The following TRIM46 variants were observed in gnomAD, a reference collection of about 807,000 sequenced individuals.
TRIM46 encodes the protein tripartite motif-containing protein 46.
A neutral mutation model predicts 69.7 loss-of-function variants in TRIM46; 17 were observed. That is an observed-to-expected ratio of 0.24 (90% CI 0.17 to 0.37). The LOEUF is 0.37. Among genes scored for constraint, TRIM46 ranks in the 10% least tolerant of loss-of-function variants. The probability of loss-of-function intolerance (pLI) is 1.00; values close to 1 mark genes in which losing one functional copy is unlikely to be tolerated. For missense variants in TRIM46, 675 were observed against 1,025.1 expected, an observed-to-expected ratio of 0.66 and a Z score of 4.66; for synonymous variants, 391 against 429.0, an observed-to-expected ratio of 0.91 and a Z score of 1.09.
chr1:155,173,898 G>A lies in TRIM46; in HGVS notation c.-69G>A. On this transcript the variant is annotated 5_prime_UTR_variant, in exon 1 of 10. Transcript: ENST00000334634. ...CTCCTCACACCCCCACTGGGCTCCT[G>A]CATTAAGCCCGGGGTTCGCAGCCGC... The A allele has an allele frequency of 1.3e-6, 2 of 1,494,860 alleles. No individual in the cohort carries two copies. Among genetic ancestry groups the A allele is most frequent in the Non-Finnish European group, 1.8e-6 (2 of 1,099,768 alleles). 92.6% of individuals were successfully genotyped at this position (1,494,860 alleles called of 1,614,324 possible).
At chr1:155,183,190 G>C (rs538042912) in intron 9 of TRIM46, among the ~76,000 whole-genome samples, 1 of 151,658 alleles carries the variant, frequency 6.6e-6, no homozygotes, top group Non-Finnish European at 1.5e-5. Flanking sequence ...GATTACAGGC[G>C]TGAGCCACTG....
At chr1:155,177,772 G>A (rs1665799829) in intron 5 of TRIM46, among the ~76,000 whole-genome samples, 1 of 152,210 alleles carries the variant, frequency 6.6e-6, no homozygotes, top group Non-Finnish European at 1.5e-5. Flanking sequence ...AAGGGGCAGA[G>A]ATTATGATGT....
chr1:155,180,397 C>A, intron 8 of TRIM46: 2 of 352,544 alleles, frequency 5.7e-6, no homozygotes, highest in Non-Finnish European at 1.0e-5. Context: ...GAGTTTGAGA[C>A]CAGCCTGGCC....
At chr1:155,177,544 G>A (rs1422381598) in intron 5 of TRIM46, among the ~76,000 whole-genome samples, 3 of 152,146 alleles carry the variant, frequency 2.0e-5, no homozygotes, top group Admixed American at 6.5e-5. Flanking sequence ...AAAACCCCAC[G>A]CGTAGCTCAG....
At chr1:155,182,238 A>C in intron 9 of TRIM46, 89 bp downstream of exon 9, 1 of 520,576 alleles carries the variant, frequency 1.9e-6, no homozygotes, top group Non-Finnish European at 3.6e-6. Flanking sequence ...CAGACTTGCT[A>C]GGGTGGGGCT....
chr1:155,182,497 C>T, intron 9 of TRIM46: 1 of 446,612 alleles, frequency 2.2e-6, no homozygotes, highest in Non-Finnish European at 4.0e-6. Context: ...TCCAACATAC[C>T]TTCTCCATAA....
rs762451383 is a variant in TRIM46 at position 155,183,783 on chromosome 1, A to G, written c.1887-14A>G. 3.1e-6 allele frequency: 5 copies of G among 1,598,452 alleles called. No individual in the cohort carries two copies. The highest frequency in any genetic ancestry group is 4.2e-6 in the Non-Finnish European group (5 of 1,179,594). On this transcript the variant is annotated splice_polypyrimidine_tract_variant and intron_variant, in intron 9 of 9. Coordinates refer to ENST00000334634, the MANE Select transcript of TRIM46 (RefSeq NM_025058.5). Reference sequence around the variant, plus strand: ...ATCCCTCAACAATCTCGTCCCCAACACCCGCTTCTGCAGGTACGACCCGGA... The same window carrying G: ...ATCCCTCAACAATCTCGTCCCCAACGCCCGCTTCTGCAGGTACGACCCGGA...
At chr1:155,179,361 G>T (rs114525519) in intron 7 of TRIM46, among the ~76,000 whole-genome samples, 2,664 of 152,312 alleles carry the variant, frequency 0.017, 46 homozygotes, top group Middle Eastern at 0.041. Context: ...GAAAGGGGAA[G>T]TGACTTATTC....
In TRIM46 at chr1:155,175,706, G is replaced by A; in HGVS notation, c.325+59G>A. ...CGCTGAGCTATTCATCAGGAAGATG[G>A]AAGAAGTCCATCACTGGTCAGAGGC... On this transcript the variant is annotated intron_variant, in intron 2 of 9. Coordinates refer to ENST00000334634, the MANE Select transcript of TRIM46 (RefSeq NM_025058.5). The surrounding 1 kb of genome is among the most constrained non-coding windows in gnomAD (Gnocchi z 4.2). 1 of 1,610,486 alleles carries A rather than the reference G, an allele frequency of 6.2e-7. No individual in the cohort carries two copies.
chr1:155,180,243 G>A (rs1228496004), intron 8 of TRIM46, among the ~76,000 whole-genome samples: 2 of 152,170 alleles, frequency 1.3e-5, no homozygotes, highest in Non-Finnish European at 2.9e-5. Context: ...AAGGAGGGAG[G>A]ATTGCTTGAG....
chr1:155,183,843 G>A lies in TRIM46; in HGVS notation c.1933G>A (p.Val645Met), dbSNP rs1259015772. Reference sequence around the variant, plus strand: ...CGACAGCGGTGCCGAGGATGCCACAGTGGAGGCGTCGCCACCCTTCGCTTT... The same window carrying A: ...CGACAGCGGTGCCGAGGATGCCACAATGGAGGCGTCGCCACCCTTCGCTTT... The part of the protein sequence containing the change: ...GHDSGAEDAT[V>M]EASPPFAFLT... The change falls in exon 10 of 10, where the codon GTG becomes ATG. Residue 645 changes from valine (V) to methionine (M), a missense_variant. Physicochemically the swap from Val to Met is conservative, Grantham distance 21 (BLOSUM62 1). This residue lies in a region of TRIM46 where 108 missense variants were observed against 153.0 expected (regional missense o/e 0.71). Transcript: ENST00000334634. 2 of 1,610,584 alleles carry A rather than the reference G, an allele frequency of 1.2e-6. No individual in the cohort carries two copies. Among genetic ancestry groups the A allele is most frequent in the South Asian group, 1.1e-5 (1 of 91,068 alleles).
In TRIM46 at chr1:155,181,642, T is replaced by C. The variant is rs1028479969; in HGVS notation, c.1589-210T>C. 6.6e-6 allele frequency among the ~76,000 whole-genome samples: 1 copy of C among 152,186 alleles called. No individual in the cohort carries two copies. Among genetic ancestry groups the C allele is most frequent in the Non-Finnish European group, 1.5e-5 (1 of 68,024 alleles). Reference sequence around the variant, plus strand: ...GCCCACTGCCATCACAAAAACTCTCTGGGGTCCCACGCCCATTTGGAATGC... The same window carrying C: ...GCCCACTGCCATCACAAAAACTCTCCGGGGTCCCACGCCCATTTGGAATGC... On this transcript the variant is annotated intron_variant, in intron 8 of 9. Transcript: ENST00000334634. The surrounding 1 kb of genome is among the most constrained non-coding windows in gnomAD (Gnocchi z 4.3).
Position 155,174,918 on chromosome 1 carries a change from G to A in TRIM46, c.64-468G>A, listed in dbSNP as rs1172847798. The stretch of plus-strand genomic sequence containing the variant: ...CGGAGCTGCGGCAGGAGGACGTATG[G>A]AGCGAGCAGGATGGAGTGCCAACCT... On this transcript the variant is annotated intron_variant, in intron 1 of 9. Coordinates refer to ENST00000334634, the MANE Select transcript of TRIM46 (RefSeq NM_025058.5). 2.8e-6 allele frequency: 4 copies of A among 1,408,766 alleles called. No homozygotes were observed. The African/African-American group carries it at 5.9e-5, about 21-fold the overall frequency. 87.3% of individuals were successfully genotyped at this position (1,408,766 alleles called of 1,614,324 possible).
Position 155,184,214 on chromosome 1 carries a change from C to T in TRIM46, c.*24C>T. 1 of 1,561,700 alleles carries T rather than the reference C, an allele frequency of 6.4e-7. No individual in the cohort carries two copies. Among genetic ancestry groups the T allele is most frequent in the African/African-American group, 1.4e-5 (1 of 73,362 alleles). Reference sequence around the variant, plus strand: ...GAGCCTTCCAGGCCCCTCATGCAGACCTGGGGTCCTCCTGGGCCCTGGCCC... The same window carrying T: ...GAGCCTTCCAGGCCCCTCATGCAGATCTGGGGTCCTCCTGGGCCCTGGCCC... On this transcript the variant is annotated 3_prime_UTR_variant, in exon 10 of 10. Coordinates refer to ENST00000334634, the MANE Select transcript of TRIM46 (RefSeq NM_025058.5). The surrounding 1 kb of genome is among the most constrained non-coding windows in gnomAD (Gnocchi z 5.6).
rs1223385762 is a variant in TRIM46, at chr1:155,175,990, G to C, written c.428G>C (p.Gly143Ala). Residue 143 changes from glycine (G) to alanine (A), a missense_variant, in exon 3 of 10, where the codon GGT becomes GCT. By Grantham distance (60) the Gly-to-Ala change is moderately conservative (BLOSUM62 0). Around this residue, in one of 5 missense-constraint regions of TRIM46, gnomAD observed 170 missense variants for 255.6 expected, o/e 0.67. Transcript: ENST00000334634. The surrounding 1 kb of genome is among the most constrained non-coding windows in gnomAD (Gnocchi z 4.2). ...GGTGATGTGGAGCTTGGGGAGCGGG[G>C]TCTGGCAGGGCTTTTCCGGAACCTG... ...CQGDVELGERGLAGLFRNLTL... is the reference protein window; with the variant it reads ...CQGDVELGERALAGLFRNLTL... 19 of 1,613,652 alleles carry C rather than the reference G, an allele frequency of 1.2e-5. No individual in the cohort carries two copies. The highest frequency in any genetic ancestry group is 2.2e-5 in the South Asian group (2 of 91,074).
In TRIM46 at chr1:155,175,395, AAGAACATGG is replaced by A. The variant is rs1665562924; in HGVS notation, c.78_86del (p.Asn26_Glu28del). On this transcript the variant is annotated inframe_deletion, in exon 2 of 10. Transcript: ENST00000334634. The surrounding 1 kb of genome is among the most constrained non-coding windows in gnomAD (Gnocchi z 4.2). ...CCTGGTCCCTCCACAGACCAGCATG[AAGAACATGG>A]AGAAGGAACTGCTGTGCCCAGTGTG... is the stretch of plus-strand genomic sequence containing the variant. The A allele has an allele frequency of 1.9e-6, 3 of 1,614,016 alleles. No individual in the cohort carries two copies. Among genetic ancestry groups the A allele is most frequent in the Non-Finnish European group, 2.5e-6 (3 of 1,179,942 alleles).
At position 155,173,943 on chromosome 1, in the gene TRIM46, GGGGC is replaced by G; in HGVS notation, c.-15_-12del. 6.4e-7 allele frequency: 1 copy of G among 1,569,308 alleles called. No individual in the cohort carries two copies. Among genetic ancestry groups the G allele is most frequent in the Non-Finnish European group, 8.6e-7 (1 of 1,158,200 alleles). ...AGCCGCAGCCGGGATCGGGCACCCA[GGGGC>G]GGGCGGGCACGGTAGGGCCATGGCA... On this transcript the variant is annotated 5_prime_UTR_variant, in exon 1 of 10. Transcript: ENST00000334634.
chr1:155,175,691 T>G lies in TRIM46; in HGVS notation c.325+44T>G. 6.2e-7 allele frequency: 1 copy of G among 1,611,786 alleles called. No individual in the cohort carries two copies. Among genetic ancestry groups the G allele is most frequent in the Non-Finnish European group, 8.5e-7 (1 of 1,179,884 alleles). ...GGGTGGGGATGGGAACGCTGAGCTA[T>G]TCATCAGGAAGATGGAAGAAGTCCA... On this transcript the variant is annotated intron_variant, in intron 2 of 9. Coordinates refer to ENST00000334634, the MANE Select transcript of TRIM46 (RefSeq NM_025058.5). The surrounding 1 kb of genome is among the most constrained non-coding windows in gnomAD (Gnocchi z 4.2).
chr1:155,176,485 G>A (rs1338246617), intron 3 of TRIM46, among the ~76,000 whole-genome samples: 1 of 152,236 alleles, frequency 6.6e-6, no homozygotes, highest in East Asian at 1.9e-4. Flanking sequence ...TGAGAGGATG[G>A]TGTGAGATAA....
Sources: gnomAD v4.1 joint callset for allele counts (sites outside exome capture counted in the v4.1 genomes callset) on GRCh38, gnomAD v4.1.1 for gene constraint, gnomAD v4.1.1 regional missense constraint, Gnocchi (gnomAD v3.1) non-coding constraint, MANE v1.5 for transcripts, NCBI Gene and HGNC (gene_info 2026-07-23, HGNC 2026-07-21) for gene names.